ATP2B2: variants seen among roughly 807,000 people sequenced by gnomAD.
The protein encoded by ATP2B2 is ATPase plasma membrane Ca2+ transporting 2.
In ATP2B2, 15 loss-of-function variants were observed where a neutral mutation model predicts 120.0. That is an observed-to-expected ratio of 0.12 (90% CI 0.08 to 0.19). The LOEUF (loss-of-function observed/expected upper bound fraction) is 0.19, where lower values mean the gene tolerates loss of function less well. ATP2B2 is among the 10% of genes least tolerant of loss of function. The pLI, the probability that ATP2B2 is intolerant of heterozygous loss-of-function variation, is 1.00. For missense variants in ATP2B2, 1,045 were observed against 1,719.8 expected (o/e 0.61, Z 6.94); for synonymous variants, 694 against 700.3 (o/e 0.99, Z 0.14).
intron 1 of ATP2B2, among the ~76,000 whole-genome samples, chr3:10,460,514 C>A (rs2064442521): frequency 6.6e-6 from 1 of 152,182 alleles, no homozygotes; most frequent in Admixed American, 6.5e-5. Context: ...AAGGTGCAAC[C>A]CCCTTCCAAC....
chr3:10,451,171 G>C (rs1396324669), intron 1 of ATP2B2, among the ~76,000 whole-genome samples: 1 of 152,246 alleles, frequency 6.6e-6, no homozygotes. Flanking sequence ...CACGGAGTGA[G>C]AGTGCTGAGG....
chr3:10,521,391 A>T (rs2066982254), intron 3 of ATP2B2, among the ~76,000 whole-genome samples: 2 of 152,264 alleles, frequency 1.3e-5, no homozygotes, highest in Non-Finnish European at 2.9e-5. Flanking sequence ...AAAATCCTTC[A>T]TTCATGAACT....
At chr3:10,703,071 C>G in intron 1 of ATP2B2, among the ~76,000 whole-genome samples, 1 of 152,200 alleles carries the variant, frequency 6.6e-6, no homozygotes, top group East Asian at 1.9e-4. Flanking sequence ...AAGGCGGTCA[C>G]AGGCTTTAGC....
intron 1 of ATP2B2, among the ~76,000 whole-genome samples, chr3:10,475,479 C>T (rs560812196): frequency 6.5e-4 from 99 of 152,350 alleles, no homozygotes; most frequent in Middle Eastern, 3.4e-3. Flanking sequence ...TTGGGCACCA[C>T]ACATTTGGTC....
chr3:10,393,309 C>G (rs2061918223), intron 5 of ATP2B2, among the ~76,000 whole-genome samples: 1 of 152,126 alleles, frequency 6.6e-6, no homozygotes, highest in Non-Finnish European at 1.5e-5. Flanking sequence ...TGGAGGGTGA[C>G]AGAGTGGAGT....
chr3:10,518,714 T>C (rs1321213589), intron 3 of ATP2B2, among the ~76,000 whole-genome samples: 1 of 152,202 alleles, frequency 6.6e-6, no homozygotes, highest in African/African-American at 2.4e-5. Context: ...CCAACTCCAC[T>C]CATGCCTCTG....
Position 10,540,420 on chromosome 3 carries a change from G to A in ATP2B2, c.-414-6287C>T, listed in dbSNP as rs146051819. 2.6e-3 allele frequency among the ~76,000 whole-genome samples: 399 copies of A among 152,188 alleles called. 1 individual carries two copies. Among genetic ancestry groups the A allele is most frequent in the African/African-American group, 9.1e-3 (376 of 41,504 alleles). On this transcript the variant is annotated intron_variant, in intron 2 of 21. Coordinates refer to the ATP2B2 transcript ENST00000646379. ...CGCTACTATAAAGACATGTGCACAC[G>A]TATGTTTACTGCAGCAGTATTCACA...
At chr3:10,539,256 A>T (rs1175589308) in intron 2 of ATP2B2, among the ~76,000 whole-genome samples, 1 of 152,240 alleles carries the variant, frequency 6.6e-6, no homozygotes, top group Non-Finnish European at 1.5e-5. Context: ...TTCCATGCTC[A>T]TGGATAGGAA....
chr3:10,470,736 C>T (rs972879303), intron 1 of ATP2B2, among the ~76,000 whole-genome samples: 6 of 152,160 alleles, frequency 3.9e-5, no homozygotes, highest in Non-Finnish European at 7.4e-5. Context: ...CTTCCTCCAG[C>T]GTGGTGAGAT....
chr3:10,594,465 G>A (rs1333299465), intron 2 of ATP2B2, among the ~76,000 whole-genome samples: 3 of 150,798 alleles, frequency 2.0e-5, no homozygotes, highest in Admixed American at 6.6e-5. Context: ...ACTATCGCAA[G>A]GACAAAAAAC....
chr3:10,594,968 C>T (rs76140762), intron 2 of ATP2B2, among the ~76,000 whole-genome samples: 1 of 152,254 alleles, frequency 6.6e-6, no homozygotes, highest in Admixed American at 6.5e-5. Context: ...GATACTCACA[C>T]TCAGTCCAGA....
chr3:10,352,790 G>A (rs946791273), intron 14 of ATP2B2, among the ~76,000 whole-genome samples: 5 of 152,214 alleles, frequency 3.3e-5, no homozygotes, highest in African/African-American at 1.2e-4. Flanking sequence ...CTGGGCTGTG[G>A]CCCCCTGCTG....
At chr3:10,424,136 T>A (rs560982790) in intron 2 of ATP2B2, among the ~76,000 whole-genome samples, 36 of 152,332 alleles carry the variant, frequency 2.4e-4, no homozygotes, top group Non-Finnish European at 5.3e-4. Context: ...CATGTGCTCC[T>A]ACATGATCAT....
chr3:10,587,837 A>G (rs1258768492), intron 2 of ATP2B2, among the ~76,000 whole-genome samples: 2 of 152,288 alleles, frequency 1.3e-5, no homozygotes, highest in African/African-American at 4.8e-5. Context: ...GAGATCAATA[A>G]TATTGGTTAA....
intron 1 of ATP2B2, among the ~76,000 whole-genome samples, chr3:10,478,191 T>C (rs544474503): frequency 2.0e-5 from 3 of 152,376 alleles, no homozygotes; most frequent in Admixed American, 1.3e-4. Context: ...AAATGTCAAG[T>C]CAAGTCCTTT....
intron 2 of ATP2B2, among the ~76,000 whole-genome samples, chr3:10,590,650 T>G (rs527684261): frequency 2.0e-5 from 3 of 152,336 alleles, no homozygotes; most frequent in African/African-American, 7.2e-5. Flanking sequence ...CTGCTCTCAG[T>G]GGCCACCCAG....
At chr3:10,386,365 C>A in intron 7 of ATP2B2, 115 bp downstream of exon 7, 1 of 1,228,128 alleles carries the variant, frequency 8.1e-7, no homozygotes, top group Non-Finnish European at 1.2e-6. Context: ...GTGGAGCCAC[C>A]CACAGGCATG....
At chr3:10,644,662 G>A (rs893852751) in intron 1 of ATP2B2, among the ~76,000 whole-genome samples, 7 of 152,226 alleles carry the variant, frequency 4.6e-5, no homozygotes, top group African/African-American at 1.4e-4. Flanking sequence ...CATATTCCAT[G>A]ATTCTATTTA....
chr3:10,677,941 C>A (rs2071284508), intron 1 of ATP2B2, among the ~76,000 whole-genome samples: 1 of 152,080 alleles, frequency 6.6e-6, no homozygotes, highest in Non-Finnish European at 1.5e-5. Flanking sequence ...TCCCACAGCC[C>A]TAGGAAGCAG....
Sources: allele counts gnomAD v4.1 joint callset (sites outside exome capture counted in the v4.1 genomes callset), GRCh38; gene constraint gnomAD v4.1.1; transcripts MANE v1.5; gene names NCBI Gene and HGNC (gene_info 2026-07-23, HGNC 2026-07-21).